Variants in ATAD2B observed in about 807,000 individuals in gnomAD.
ATAD2B encodes the protein ATPase family AAA domain containing 2B.
ATAD2B carries 40 observed loss-of-function variants against 167.6 expected under a neutral mutation model. The ratio of observed to expected loss-of-function variants is 0.24; its 90% CI spans 0.19 to 0.31. ATAD2B has a LOEUF of 0.31. Among genes scored for constraint, ATAD2B ranks in the 10% least tolerant of loss-of-function variants. ATAD2B has a pLI of 1.00. For synonymous variants in ATAD2B, 579 were observed against 596.5 expected (o/e 0.97, Z 0.43); for missense variants, 1,242 against 1,757.2 (o/e 0.71, Z 5.24).
intron 6 of ATAD2B, among the ~76,000 whole-genome samples, chr2:23,881,474 G>A (rs1023942620): frequency 3.4e-5 from 5 of 146,620 alleles, no homozygotes; most frequent in African/African-American, 1.3e-4. Flanking sequence ...CAATTCTCCT[G>A]CCTCAGCCTC....
chr2:23,876,063 G>A (rs922022124), intron 7 of ATAD2B, among the ~76,000 whole-genome samples, 159 bp from the exon 8 acceptor site: 19 of 152,038 alleles, frequency 1.2e-4, no homozygotes, highest in African/African-American at 4.1e-4. Flanking sequence ...GCGCGATCTC[G>A]GCTCACTGCA....
At chr2:23,920,623 C>A (rs991044226) in intron 1 of ATAD2B, among the ~76,000 whole-genome samples, 4 of 152,088 alleles carry the variant, frequency 2.6e-5, no homozygotes, top group Non-Finnish European at 5.9e-5. Flanking sequence ...ATGGCACTTA[C>A]GGCCTACTCT....
rs1194907314 is a variant in ATAD2B, at chr2:23,881,355, CAATTCT to C, written c.785-606_785-601del. Among the ~76,000 whole-genome samples, 866 of 131,876 alleles carry C rather than the reference CAATTCT, an allele frequency of 6.6e-3. 2 individuals are homozygous for C. The highest frequency in any genetic ancestry group is 0.021 in the South Asian group (89 of 4,154). The allele number at this position is 131,876 out of a possible 152,430, so 86.5% of individuals were successfully genotyped here. ...TAGTTTATTTCTTGACATGAGTGATCAATTCTTTTTTTTTTTTTTTTTTTTTTTGAC... is the reference window on the plus strand; with the variant it reads ...TAGTTTATTTCTTGACATGAGTGATCTTTTTTTTTTTTTTTTTTTTTTGAC... On this transcript the variant is annotated intron_variant, in intron 6 of 27. Transcript: ENST00000238789.
At chr2:23,792,720 T>C (rs958261507) in intron 19 of ATAD2B, among the ~76,000 whole-genome samples, 1 of 151,884 alleles carries the variant, frequency 6.6e-6, no homozygotes, top group East Asian at 1.9e-4. Context: ...CCCAACACTT[T>C]GGGAGGCTGA....
At chr2:23,740,680 T>C in the ATAD2B span, among the ~76,000 whole-genome samples, 1 of 152,204 alleles carries the variant, frequency 6.6e-6, no homozygotes, top group South Asian at 2.1e-4. Flanking sequence ...CTATTCAACA[T>C]AGTGTTGGAA....
At chr2:23,780,473 C>T (rs1251894705) in intron 22 of ATAD2B, among the ~76,000 whole-genome samples, 1 of 152,000 alleles carries the variant, frequency 6.6e-6, no homozygotes, top group Non-Finnish European at 1.5e-5. Context: ...GCAGTTTTTG[C>T]AATTATAGAA....
At chr2:23,729,409 G>GC in the ATAD2B span, among the ~76,000 whole-genome samples, 1 of 152,094 alleles carries the variant, frequency 6.6e-6, no homozygotes, top group Non-Finnish European at 1.5e-5. Context: ...GTCTGAACTA[G>GC]CATAAGGAAG....
chr2:23,913,962 G>A (rs1702661421), intron 1 of ATAD2B, among the ~76,000 whole-genome samples: 1 of 151,660 alleles, frequency 6.6e-6, no homozygotes, highest in Admixed American at 6.6e-5. Context: ...GCAGGACCCT[G>A]GTCAAAAAAA....
At chr2:23,783,806 A>T (rs181387870) in intron 21 of ATAD2B, among the ~76,000 whole-genome samples, 7 of 152,274 alleles carry the variant, frequency 4.6e-5, no homozygotes, top group Non-Finnish European at 2.9e-5. Flanking sequence ...TAGGTTTGCT[A>T]TAACAGCAGT....
At chr2:23,696,969 CG>C in the ATAD2B span, 5,250 of 161,516 alleles carry the variant, frequency 0.033, 109 homozygotes, top group South Asian at 0.082. The surrounding 1 kb of genome is among the most constrained non-coding windows in gnomAD (Gnocchi z 5.5). Context: ...TCCTGCCAAG[CG>C]GGGGGTCCCA....
chr2:23,926,557 T>C lies in ATAD2B; in HGVS notation c.214A>G (p.Arg72Gly). 6.5e-7 allele frequency: 1 copy of C among 1,549,960 alleles called. No individual in the cohort carries two copies. Among genetic ancestry groups the C allele is most frequent in the East Asian group, 2.4e-5 (1 of 41,260 alleles). Residue 72 changes from arginine to glycine, a missense_variant and splice_region_variant, in exon 1 of 28, where the codon AGG (arginine) becomes GGG (glycine). Arg to Gly is a moderately radical substitution (Grantham distance 125). Transcript: ENST00000238789. ...GACTCGGGACGCCGCGCTCTTACCCTGGCCTCATCCAGAGTGACGCCGGCG... is the reference window on the plus strand; with the variant it reads ...GACTCGGGACGCCGCGCTCTTACCCCGGCCTCATCCAGAGTGACGCCGGCG... The part of the protein sequence containing the change: ...GGAGVTLDEA[R>G]KVEVDGSLSD...
At chr2:23,775,880 A>C (rs1429632919) in intron 22 of ATAD2B, among the ~76,000 whole-genome samples, 2 of 152,112 alleles carry the variant, frequency 1.3e-5, no homozygotes, top group Admixed American at 1.3e-4. Context: ...CACTTTGGGA[A>C]GCCAAGGCAG....
At chr2:23,699,525 G>T in the ATAD2B span, among the ~76,000 whole-genome samples, 25 of 152,262 alleles carry the variant, frequency 1.6e-4, no homozygotes, top group African/African-American at 5.8e-4. Flanking sequence ...CAGTGACCTG[G>T]CCAGGCTGCT....
the ATAD2B span, among the ~76,000 whole-genome samples, chr2:23,679,926 G>C: frequency 1.3e-5 from 2 of 152,192 alleles, no homozygotes; most frequent in Admixed American, 1.3e-4. Flanking sequence ...CTTGGAGTGG[G>C]GACGTGTGTG....
chr2:23,919,874 G>A (rs1703650830), intron 1 of ATAD2B, among the ~76,000 whole-genome samples: 1 of 150,152 alleles, frequency 6.7e-6, no homozygotes, highest in Admixed American at 6.7e-5. Flanking sequence ...AATTAGGCCA[G>A]GCACAGTGGC....
At position 23,823,495 on chromosome 2, in the gene ATAD2B, T is replaced by C. The variant is rs1315112610; in HGVS notation, c.1894A>G (p.Ile632Val). Reference sequence around the variant, plus strand: ...TGCAGTTTATGACTGCTAGCATAGATCTGGGGATAACGCCTCCGCAGTGCA... The same window carrying C: ...TGCAGTTTATGACTGCTAGCATAGACCTGGGGATAACGCCTCCGCAGTGCA... ...LIALRRRYPQ[I>V]YASSHKLQLD... Residue 632 changes from isoleucine to valine, a missense_variant, in exon 16 of 28, where the codon ATC becomes GTC. Transcript: ENST00000238789. 1 of 1,613,854 alleles carries C rather than the reference T, an allele frequency of 6.2e-7. No homozygotes were observed. Among genetic ancestry groups the C allele is most frequent in the South Asian group, 1.1e-5 (1 of 91,078 alleles).
At chr2:23,920,191 CAT>C (rs1703705731) in intron 1 of ATAD2B, among the ~76,000 whole-genome samples, 1 of 151,798 alleles carries the variant, frequency 6.6e-6, no homozygotes, top group African/African-American at 2.4e-5. Context: ...CTGACTGACA[CAT>C]GCTGTTCTAG....
In ATAD2B at chr2:23,926,780, A is replaced by G. The variant is rs1259684485; in HGVS notation, c.-10T>C. The G allele has an allele frequency of 2.6e-6, 4 of 1,514,742 alleles. No homozygotes were observed. The highest frequency in any genetic ancestry group is 3.5e-6 in the Non-Finnish European group (4 of 1,129,282). The allele number at this position is 1,514,742 out of a possible 1,614,324, so 93.8% of individuals were successfully genotyped here. On this transcript the variant is annotated 5_prime_UTR_variant, in exon 1 of 28. Transcript: ENST00000238789. ...TCCGGGTGTTCACCATGGTCCAGCC[A>G]GGGGGACGGAGTCCACGCCGCGCCC... is the stretch of plus-strand genomic sequence containing the variant.
chr2:23,775,491 C>T (rs112361592), intron 22 of ATAD2B, among the ~76,000 whole-genome samples: 18,219 of 152,072 alleles, frequency 0.12, 1,167 homozygotes, highest in Middle Eastern at 0.22. Flanking sequence ...GGATTACAGG[C>T]GTGAGCCACC....
Sources: gnomAD v4.1 joint callset for allele counts (sites outside exome capture counted in the v4.1 genomes callset) on GRCh38, gnomAD v4.1.1 for gene constraint, Gnocchi (gnomAD v3.1) non-coding constraint, MANE v1.5 for transcripts, NCBI Gene and HGNC (gene_info 2026-07-23, HGNC 2026-07-21) for gene names.